The following TNNT2 variants were observed in gnomAD, a reference collection of about 807,000 sequenced individuals.
TNNT2 encodes the protein troponin T2, cardiac type, also known as troponin T, cardiac muscle.
A neutral mutation model predicts 62.4 loss-of-function variants in TNNT2; 34 were observed. The observed-to-expected ratio is 0.54, with a 90% CI of 0.41 to 0.72. The LOEUF is 0.72. Ranked by LOEUF, TNNT2 falls within the 30% of genes least tolerant of loss-of-function variation. TNNT2 has a pLI of 0.00. For missense variants in TNNT2, 275 were observed against 381.9 expected (o/e 0.72, Z 2.33); for synonymous variants, 123 against 127.2 (o/e 0.97, Z 0.22).
chr1:201,366,764 T>G, intron 8 of TNNT2, 74 bp downstream of exon 8: 1 of 1,613,220 alleles, frequency 6.2e-7, no homozygotes, highest in Non-Finnish European at 8.5e-7. Context: ...TGCACCATAC[T>G]GCACCCCGTT....
At chr1:201,364,525 C>T (rs1013911755) in intron 10 of TNNT2, 150 bp from the exon 11 acceptor site, 9 of 796,372 alleles carry the variant, frequency 1.1e-5, no homozygotes, top group African/African-American at 8.5e-5. Context: ...CAAGGGCCTC[C>T]ACTTTCAACC....
intron 5 of TNNT2, 139 bp from the exon 6 acceptor site, chr1:201,368,366 C>T (rs746430628): frequency 5.6e-5 from 47 of 837,942 alleles, no homozygotes; most frequent in East Asian, 3.0e-4. Flanking sequence ...GGGCAACCAA[C>T]GTGCTGGGGG....
At chr1:201,368,037 T>C (rs1368672090) in intron 6 of TNNT2, 125 bp downstream of exon 6, 1 of 1,077,346 alleles carries the variant, frequency 9.3e-7, no homozygotes, top group Non-Finnish European at 1.4e-6. Context: ...GGTTGAATCT[T>C]AGTCAATAGG....
In TNNT2 at chr1:201,359,152, G is replaced by A. The variant is rs1658107790; in HGVS notation, c.*58C>T. 2 of 1,581,422 alleles carry A rather than the reference G, an allele frequency of 1.3e-6. No individual in the cohort carries two copies. The highest frequency in any genetic ancestry group is 8.6e-7 in the Non-Finnish European group (1 of 1,164,180). On this transcript the variant is annotated 3_prime_UTR_variant, in exon 17 of 17. Transcript: ENST00000656932. ...CCAGGAGGGCCCGGGAACTGGGGGA[G>A]TGCAGGCCGGAGGCAGGTGCGAGCG...
chr1:201,366,659 A>C, intron 8 of TNNT2, 179 bp downstream of exon 8: 1 of 1,501,552 alleles, frequency 6.7e-7, no homozygotes, highest in Non-Finnish European at 8.9e-7. Flanking sequence ...TTCAGCCCTC[A>C]CTCACTCCCT....
chr1:201,368,328 C>T, intron 5 of TNNT2, 101 bp from the exon 6 acceptor site: 3 of 1,224,234 alleles, frequency 2.5e-6, no homozygotes, highest in Non-Finnish European at 3.5e-6. Context: ...GGATGGGGGT[C>T]AAGACGTCTA....
intron 5 of TNNT2, 46 bp downstream of exon 5, chr1:201,369,770 G>C: frequency 6.2e-7 from 1 of 1,613,572 alleles, no homozygotes; most frequent in Non-Finnish European, 8.5e-7. Context: ...GCTGCACTTG[G>C]GACAGCAGGC....
intron 11 of TNNT2, chr1:201,363,797 A>C: frequency 6.3e-6 from 2 of 315,252 alleles, no homozygotes; most frequent in South Asian, 7.4e-5. Flanking sequence ...ATAAGGACGC[A>C]GGCATTTCTG....
chr1:201,366,682 C>T (rs1659719261), intron 8 of TNNT2, 156 bp downstream of exon 8: 1 of 1,560,656 alleles, frequency 6.4e-7, no homozygotes. Context: ...GGAAGAGACG[C>T]TTGTGCAGTA....
At chr1:201,376,079 C>T (rs115799308) in intron 1 of TNNT2, among the ~76,000 whole-genome samples, 11 of 152,170 alleles carry the variant, frequency 7.2e-5, no homozygotes, top group Admixed American at 7.2e-4. Flanking sequence ...CCTGGCAGGG[C>T]AAGGAACCAG....
chr1:201,359,725 G>A, intron 15 of TNNT2, 62 bp from the exon 16 acceptor site: 1 of 1,495,132 alleles, frequency 6.7e-7, no homozygotes, highest in Non-Finnish European at 9.2e-7. Flanking sequence ...GGTCCCAGGT[G>A]GCCTGGGGAT....
chr1:201,364,485 C>T, intron 10 of TNNT2, 110 bp from the exon 11 acceptor site: 1 of 1,197,594 alleles, frequency 8.4e-7, no homozygotes, highest in Non-Finnish European at 1.2e-6. Flanking sequence ...GGGTTCCTTC[C>T]AGAGTCTTGA....
At position 201,366,843 on chromosome 1, in the gene TNNT2, C is replaced by T. The variant is rs727504869; in HGVS notation, c.228G>A (p.Lys76=). The change falls in exon 8 of 17, where the codon AAG becomes AAA. Residue 76 remains lysine (K), a synonymous_variant. Transcript: ENST00000656932. ...EDGPMEESKP[K]PRSFMPNLVP... ...CCAGGTGCCTCCCCACTCACCTGGG[C>T]TTTGGTTTGGACTCCTCCATTGGGC... 1.2e-6 allele frequency: 2 copies of T among 1,614,138 alleles called. No individual in the cohort carries two copies. The highest frequency in any genetic ancestry group is 2.2e-5 in the East Asian group (1 of 44,866).
At chr1:201,365,137 T>G in intron 10 of TNNT2, 54 bp downstream of exon 10, 3 of 1,463,308 alleles carry the variant, frequency 2.1e-6, no homozygotes, top group Non-Finnish European at 2.9e-6. Context: ...ACAAAAGGGA[T>G]GGAGGACAGA....
chr1:201,369,881 A>C, intron 4 of TNNT2, 36 bp from the exon 5 acceptor site: 1 of 1,613,978 alleles, frequency 6.2e-7, no homozygotes, highest in South Asian at 1.1e-5. Context: ...GGAGGGGAAA[A>C]GCGAGACAGG....
At chr1:201,369,009 C>T (rs1660164333) in intron 5 of TNNT2, among the ~76,000 whole-genome samples, 1 of 152,154 alleles carries the variant, frequency 6.6e-6, no homozygotes, top group Non-Finnish European at 1.5e-5. Flanking sequence ...GGAGTCTTAC[C>T]TCAAAATGAT....
intron 1 of TNNT2, chr1:201,374,966 C>A: frequency 6.6e-6 from 1 of 152,648 alleles, no homozygotes; most frequent in Non-Finnish European, 1.5e-5. Context: ...CAATGCTCCT[C>A]CCCTGCTGCC....
chr1:201,365,590 A>G lies in TNNT2; in HGVS notation c.294+20T>C. ...GACTATCCCCAGCCCAGGCCTACTC[A>G]ACCCACAGCCACCGCTTACATCAAA... is the stretch of plus-strand genomic sequence containing the variant. On this transcript the variant is annotated intron_variant, in intron 9 of 16. Coordinates refer to ENST00000656932, the MANE Select transcript of TNNT2 (RefSeq NM_001276345.2). 1 of 1,613,310 alleles carries G rather than the reference A, an allele frequency of 6.2e-7. No individual in the cohort carries two copies. The highest frequency in any genetic ancestry group is 8.5e-7 in the Non-Finnish European group (1 of 1,179,482).
In TNNT2 at chr1:201,366,825, CCT is replaced by C; in HGVS notation, c.233+11_233+12del. On this transcript the variant is annotated intron_variant, in intron 8 of 16. Coordinates refer to ENST00000656932, the MANE Select transcript of TNNT2 (RefSeq NM_001276345.2). ...CTCTGCTCCCGGCTCTACCCAGGTG[CCT>C]CCCCACTCACCTGGGCTTTGGTTTG... 6.2e-7 allele frequency: 1 copy of C among 1,614,104 alleles called. No homozygotes were observed. The highest frequency in any genetic ancestry group is 1.7e-4 in the Middle Eastern group (1 of 6,060).
Sources: gnomAD v4.1 joint callset for allele counts (sites outside exome capture counted in the v4.1 genomes callset) on GRCh38, gnomAD v4.1.1 for gene constraint, MANE v1.5 for transcripts, NCBI Gene and HGNC (gene_info 2026-07-23, HGNC 2026-07-21) for gene names.